The following THSD4 variants were observed in gnomAD, a reference collection of about 807,000 sequenced individuals.
THSD4 encodes thrombospondin type-1 domain-containing protein 4.
A neutral mutation model predicts 119.0 loss-of-function variants in THSD4; 69 were observed. The ratio of observed to expected loss-of-function variants is 0.58; its 90% CI spans 0.48 to 0.71. The LOEUF (loss-of-function observed/expected upper bound fraction) is 0.71, where lower values mean the gene tolerates loss of function less well. Ranked by LOEUF, THSD4 falls within the 30% of genes least tolerant of loss-of-function variation. The pLI is 0.00. For synonymous variants in THSD4, 524 were observed against 540.4 expected, an observed-to-expected ratio of 0.97 and a Z score of 0.42; for missense variants, 1,393 against 1,391.1, an observed-to-expected ratio of 1.00 and a Z score of -0.02.
At chr15:71,273,380 G>A (rs1729013724) in intron 6 of THSD4, among the ~76,000 whole-genome samples, 1 of 152,152 alleles carries the variant, frequency 6.6e-6, no homozygotes, top group South Asian at 2.1e-4. Flanking sequence ...GTTACCAGAG[G>A]CTGAGGAGGG....
chr15:71,508,970 TGA>T (rs1203615876), intron 7 of THSD4, among the ~76,000 whole-genome samples: 7 of 149,558 alleles, frequency 4.7e-5, no homozygotes, highest in East Asian at 1.9e-4. Flanking sequence ...GAAGCATTTC[TGA>T]GAGAGAGGGA....
At chr15:71,730,472 T>G (rs2052955296) in intron 9 of THSD4, 1 of 152,354 alleles carries the variant, frequency 6.6e-6, no homozygotes, top group Admixed American at 6.5e-5. Context: ...AATGTTCAGC[T>G]GCTGACTTCC....
chr15:71,503,405 G>T (rs1246540748), intron 7 of THSD4, among the ~76,000 whole-genome samples: 1 of 152,072 alleles, frequency 6.6e-6, no homozygotes, highest in Non-Finnish European at 1.5e-5. Context: ...TTCCATCCTG[G>T]CTCAAGTCCA....
intron 6 of THSD4, among the ~76,000 whole-genome samples, chr15:71,400,671 C>T (rs1053199321): frequency 6.6e-6 from 1 of 152,068 alleles, no homozygotes; most frequent in African/African-American, 2.4e-5. Flanking sequence ...TTTATTTAAC[C>T]CCTGCATATA....
intron 4 of THSD4, among the ~76,000 whole-genome samples, chr15:71,224,456 A>G (rs2043998485): frequency 6.6e-6 from 1 of 152,184 alleles, no homozygotes; most frequent in Non-Finnish European, 1.5e-5. Context: ...TGGCTATGCC[A>G]TCTACCACCC....
chr15:71,743,307 C>T (rs772021636), intron 11 of THSD4, among the ~76,000 whole-genome samples: 3 of 152,140 alleles, frequency 2.0e-5, no homozygotes, highest in Non-Finnish European at 4.4e-5. Context: ...ATTTGAGTGC[C>T]AAGTGGTTGA....
intron 7 of THSD4, among the ~76,000 whole-genome samples, chr15:71,609,146 C>T (rs765722829): frequency 4.6e-5 from 7 of 151,988 alleles, no homozygotes; most frequent in Non-Finnish European, 4.4e-5. Context: ...TTCTTCAGAG[C>T]ATGTATGAAC....
intron 3 of THSD4, among the ~76,000 whole-genome samples, chr15:71,199,879 GGTGC>G (rs2043780934): frequency 1.2e-4 from 6 of 49,478 alleles, no homozygotes; most frequent in East Asian, 5.2e-4. Flanking sequence ...GTGTGTGTGT[GGTGC>G]ATGTGTGGTA....
At chr15:71,440,290 G>A (rs573137159) in intron 7 of THSD4, among the ~76,000 whole-genome samples, 81 of 152,300 alleles carry the variant, frequency 5.3e-4, no homozygotes, top group African/African-American at 1.9e-3. Flanking sequence ...CCTTGTGAGA[G>A]CTATGATGAA....
At chr15:71,341,227 C>T (rs772712584) in intron 6 of THSD4, 2 of 1,591,398 alleles carry the variant, frequency 1.3e-6, no homozygotes, top group East Asian at 4.5e-5. Flanking sequence ...GGGCAACCTC[C>T]TCTTCTGGTT....
chr15:71,231,063 G>A (rs748447758), intron 4 of THSD4, among the ~76,000 whole-genome samples: 9 of 152,072 alleles, frequency 5.9e-5, no homozygotes, highest in Admixed American at 1.3e-4. Flanking sequence ...CCACTCCTCC[G>A]GGCCCACACT....
In THSD4 at chr15:71,294,923, TA is replaced by T. The variant is rs10656605; in HGVS notation, c.1015+38226del. ...TCTCAGTCTGCAGTTCTCACAGCTGTAAAAAAAAAAAAAAAAAATACAGTCT... is the reference window on the plus strand; with the variant it reads ...TCTCAGTCTGCAGTTCTCACAGCTGTAAAAAAAAAAAAAAAAATACAGTCT... On this transcript the variant is annotated intron_variant, in intron 6 of 17. Coordinates refer to ENST00000261862, the MANE Select transcript of THSD4 (RefSeq NM_024817.3). 8.5e-3 allele frequency among the ~76,000 whole-genome samples: 1,177 copies of T among 138,122 alleles called. 19 individuals carry two copies. Among genetic ancestry groups the T allele is most frequent in the African/African-American group, 0.028 (1,057 of 37,244 alleles). 90.6% of individuals were successfully genotyped at this position (138,122 alleles called of 152,430 possible). A position where few individuals can be genotyped will look rare whatever the true frequency, so the allele number is the denominator to read the frequency against.
intron 7 of THSD4, among the ~76,000 whole-genome samples, chr15:71,457,752 A>G (rs897239531): frequency 3.3e-5 from 5 of 151,802 alleles, no homozygotes; most frequent in Non-Finnish European, 7.4e-5. Context: ...CTCCACCACC[A>G]CTGTACTCTA....
intron 14 of THSD4, 81 bp from the exon 15 acceptor site, chr15:71,757,821 C>G: frequency 6.4e-7 from 1 of 1,563,358 alleles, no homozygotes; most frequent in Non-Finnish European, 8.7e-7. Context: ...TGAAGCATTC[C>G]ATCCTCCTTT....
At chr15:71,310,265 A>G (rs551143439) in intron 6 of THSD4, among the ~76,000 whole-genome samples, 14 of 152,106 alleles carry the variant, frequency 9.2e-5, no homozygotes, top group Non-Finnish European at 1.8e-4. Context: ...AATCCAGTTT[A>G]TCACTAAGTT....
intron 7 of THSD4, among the ~76,000 whole-genome samples, chr15:71,496,061 G>A (rs2048012118): frequency 6.6e-6 from 1 of 152,150 alleles, no homozygotes; most frequent in Admixed American, 6.5e-5. Context: ...ATAGAGGAAG[G>A]GATAGATTTA....
chr15:71,606,271 A>G (rs2050107992), intron 7 of THSD4, among the ~76,000 whole-genome samples: 1 of 152,226 alleles, frequency 6.6e-6, no homozygotes, highest in Non-Finnish European at 1.5e-5. Flanking sequence ...TCCTCCAAGA[A>G]ACCTCTTCTA....
intron 1 of THSD4, among the ~76,000 whole-genome samples, chr15:71,123,735 A>G (rs568560219): frequency 1.3e-5 from 2 of 152,296 alleles, no homozygotes; most frequent in South Asian, 2.1e-4. Flanking sequence ...AACAGGAGGA[A>G]ACAAGGTTGG....
intron 6 of THSD4, among the ~76,000 whole-genome samples, chr15:71,404,719 C>T (rs557002721): frequency 4.6e-5 from 7 of 151,972 alleles, no homozygotes; most frequent in South Asian, 4.2e-4. Flanking sequence ...TTCTGATATG[C>T]GAGGATAACA....
Sources: gnomAD v4.1 joint callset for allele counts (sites outside exome capture counted in the v4.1 genomes callset) on GRCh38, gnomAD v4.1.1 for gene constraint, MANE v1.5 for transcripts, NCBI Gene and HGNC (gene_info 2026-07-23, HGNC 2026-07-21) for gene names.